DPY19L4: variants seen among roughly 807,000 people sequenced by gnomAD.
DPY19L4 encodes the protein probable C-mannosyltransferase DPY19L4.
DPY19L4 carries 97 observed loss-of-function variants against 102.8 expected under a neutral mutation model. The ratio of observed to expected loss-of-function variants is 0.94; its 90% CI spans 0.80 to 1.12. DPY19L4 has a LOEUF of 1.12. DPY19L4 is among the 50% of genes most tolerant of loss of function. The pLI is 0.00. For missense variants in DPY19L4, 815 were observed against 850.4 expected (o/e 0.96, Z 0.52); for synonymous variants, 252 against 283.1 (o/e 0.89, Z 1.10).
At chr8:94,742,559 A>AT (rs34777022) in intron 6 of DPY19L4, among the ~76,000 whole-genome samples, 1,496 of 115,392 alleles carry the variant, frequency 0.013, 14 homozygotes, top group Middle Eastern at 0.075. Context: ...TGCCTGGCTA[A>AT]TTTTTTTTTT....
In DPY19L4 at chr8:94,791,506, G is replaced by C. The variant is rs1050662870; in HGVS notation, c.*1596G>C. 2 of 152,082 alleles carry C rather than the reference G, an allele frequency of 1.3e-5. No homozygotes were observed. The highest frequency in any genetic ancestry group is 4.8e-5 in the African/African-American group (2 of 41,414). 9.4% of individuals were successfully genotyped at this position (152,082 alleles called of 1,614,324 possible). A position where few individuals can be genotyped will look rare whatever the true frequency, so the allele number is the denominator to read the frequency against. On this transcript the variant is annotated 3_prime_UTR_variant, in exon 19 of 19. Transcript: ENST00000414645. ...AGGCAGTGTACCTCAGGTTGACTCTGTACATCTGAATAGTGAGTCACTAGT... is the reference window on the plus strand; with the variant it reads ...AGGCAGTGTACCTCAGGTTGACTCTCTACATCTGAATAGTGAGTCACTAGT...
chr8:94,748,943 A>G (rs1811798402), intron 6 of DPY19L4, among the ~76,000 whole-genome samples: 1 of 152,176 alleles, frequency 6.6e-6, no homozygotes, highest in African/African-American at 2.4e-5. Context: ...GAAATTTACA[A>G]AAGAAAAAGG....
At chr8:94,781,269 T>A (rs1199909522) in intron 16 of DPY19L4, 103 bp downstream of exon 16, 3 of 1,086,262 alleles carry the variant, frequency 2.8e-6, no homozygotes, top group Non-Finnish European at 3.7e-6. Flanking sequence ...TCTCCAAATT[T>A]TTTCATAAAA....
intron 6 of DPY19L4, among the ~76,000 whole-genome samples, chr8:94,754,064 TC>T (rs1563592382): frequency 6.6e-6 from 1 of 151,966 alleles, no homozygotes; most frequent in Non-Finnish European, 1.5e-5. Context: ...GTGCCTGTAA[TC>T]CCAGCTACTT....
intron 13 of DPY19L4, among the ~76,000 whole-genome samples, chr8:94,773,644 G>A (rs1358668847): frequency 6.6e-6 from 1 of 151,840 alleles, no homozygotes. Flanking sequence ...TGGTCAGGCT[G>A]GTCTTGAACT....
chr8:94,777,591 A>T, intron 13 of DPY19L4, 75 bp from the exon 14 acceptor site: 5 of 1,513,660 alleles, frequency 3.3e-6, no homozygotes, highest in Non-Finnish European at 4.4e-6. Context: ...AGTAGGAAAG[A>T]GCTCAGAGAA....
intron 1 of DPY19L4, among the ~76,000 whole-genome samples, chr8:94,725,470 A>G (rs1187789436): frequency 6.6e-6 from 1 of 152,178 alleles, no homozygotes; most frequent in Non-Finnish European, 1.5e-5. Context: ...ATCCTGGGAA[A>G]TTATTTTGAG....
intron 3 of DPY19L4, among the ~76,000 whole-genome samples, chr8:94,738,092 G>A (rs1163212092): frequency 2.0e-5 from 3 of 151,966 alleles, no homozygotes; most frequent in Non-Finnish European, 4.4e-5. Flanking sequence ...GCTGAGGTGG[G>A]TGGATCATGA....
At position 94,738,275 on chromosome 8, in the gene DPY19L4, C is replaced by T. The variant is rs368764618; in HGVS notation, c.253-94C>T. The T allele has an allele frequency of 6.4e-4, 259 of 404,512 alleles. 4 individuals carry two copies. The South Asian group carries it at 0.017, about 26-fold the overall frequency. The allele number at this position is 404,512 out of a possible 1,614,324, so 25.1% of individuals were successfully genotyped here. Reference sequence around the variant, plus strand: ...CGGAGGTTGCAGTGAGCCGAGATCGCGCCACTGCACTCCAGCCTGGGCGAC... The same window carrying T: ...CGGAGGTTGCAGTGAGCCGAGATCGTGCCACTGCACTCCAGCCTGGGCGAC... On this transcript the variant is annotated intron_variant, in intron 3 of 18. Transcript: ENST00000414645.
At chr8:94,776,886 A>T (rs1586412770) in intron 13 of DPY19L4, among the ~76,000 whole-genome samples, 2 of 147,542 alleles carry the variant, frequency 1.4e-5, no homozygotes, top group Admixed American at 1.4e-4. Flanking sequence ...AATCACTTGA[A>T]CCCAGAAGGC....
Position 94,736,786 on chromosome 8 carries a change from C to T in DPY19L4, c.253-1583C>T, listed in dbSNP as rs550416363. Among the ~76,000 whole-genome samples, 73 of 152,198 alleles carry T rather than the reference C, an allele frequency of 4.8e-4. 1 individual carries two copies. Among genetic ancestry groups the T allele is most frequent in the Non-Finnish European group, 6.8e-4 (46 of 68,036 alleles). On this transcript the variant is annotated intron_variant, in intron 3 of 18. Coordinates refer to ENST00000414645, the MANE Select transcript of DPY19L4 (RefSeq NM_181787.3). ...TTGCAAAGTACTAATTAAAGACTTG[C>T]TGTTCTGCATACATAGAGATGTGGA...
At position 94,739,428 on chromosome 8, in the gene DPY19L4, C is replaced by T. The variant is rs1221238985; in HGVS notation, c.359C>T (p.Thr120Ile). 7 of 1,583,418 alleles carry T rather than the reference C, an allele frequency of 4.4e-6. No individual in the cohort carries two copies. The highest frequency in any genetic ancestry group is 6.0e-6 in the Non-Finnish European group (7 of 1,170,216). The change falls in exon 5 of 19, where the codon ACA (threonine) becomes ATA (isoleucine). Residue 120 changes from threonine to isoleucine, a missense_variant. By Grantham distance (89) the Thr-to-Ile change is moderately conservative (BLOSUM62 -1). Coordinates refer to ENST00000414645, the MANE Select transcript of DPY19L4 (RefSeq NM_181787.3). ...PSFERGVYEL[T>I]HNNKTVSLKT... ...CTGTCTTTAGGTGTTTACGAACTGA[C>T]ACACAATAACAAAACTGTATCTCTG...
chr8:94,724,460 G>A (rs1212917908), intron 1 of DPY19L4, among the ~76,000 whole-genome samples: 1 of 152,166 alleles, frequency 6.6e-6, no homozygotes, highest in African/African-American at 2.4e-5. Context: ...ACCTAGAGCA[G>A]GGGAATATTA....
rs1160275225 is a variant in DPY19L4 at position 94,770,495 on chromosome 8, A to G, written c.1378A>G (p.Ile460Val). ...KETVTLEDGR[I>V]GERPEIIYHV... is the part of the protein sequence containing the mutation. ...AACTGTTACTCTTGAAGATGGACGA[A>G]TTGGAGAAAGACCAGAAATAATTTA... The change falls in exon 13 of 19, where the codon ATT (isoleucine) becomes GTT (valine). Residue 460 changes from isoleucine (I) to valine (V), a missense_variant. Coordinates refer to ENST00000414645, the MANE Select transcript of DPY19L4 (RefSeq NM_181787.3). The G allele has an allele frequency of 6.2e-7, 1 of 1,613,954 alleles. No homozygotes were observed. The highest frequency in any genetic ancestry group is 1.1e-5 in the South Asian group (1 of 91,042).
chr8:94,757,004 G>A (rs933036430), intron 7 of DPY19L4, among the ~76,000 whole-genome samples: 3 of 152,142 alleles, frequency 2.0e-5, no homozygotes, highest in South Asian at 4.1e-4. Context: ...TAGCCTGGGC[G>A]ACAGAGAGAC....
rs530873947 is a variant in DPY19L4, at chr8:94,761,354, A to G, written c.736-346A>G. On this transcript the variant is annotated intron_variant, in intron 7 of 18. Coordinates refer to ENST00000414645, the MANE Select transcript of DPY19L4 (RefSeq NM_181787.3). ...CCCCAATAACAAAAGCTCACCAGCC[A>G]GGTCTAGTAAATGCCACCCTTTCTT... is the stretch of plus-strand genomic sequence containing the variant. Among the ~76,000 whole-genome samples, 4 of 152,346 alleles carry G rather than the reference A, an allele frequency of 2.6e-5. No homozygotes were observed. In the South Asian group the frequency reaches 8.3e-4, roughly 32 times the overall value.
rs1367743856 is a variant in DPY19L4, at chr8:94,789,998, T to C, written c.*88T>C. On this transcript the variant is annotated 3_prime_UTR_variant, in exon 19 of 19. Coordinates refer to ENST00000414645, the MANE Select transcript of DPY19L4 (RefSeq NM_181787.3). ...TCGGTGTCTTTTGCAGATCAGAGTATGGACATTTGAAATATTGCTGCTTCT... is the reference window on the plus strand; with the variant it reads ...TCGGTGTCTTTTGCAGATCAGAGTACGGACATTTGAAATATTGCTGCTTCT... 7 of 1,299,212 alleles carry C rather than the reference T, an allele frequency of 5.4e-6. No individual in the cohort carries two copies. The highest frequency in any genetic ancestry group is 1.1e-6 in the Non-Finnish European group (1 of 938,356). 80.5% of individuals were successfully genotyped at this position (1,299,212 alleles called of 1,614,324 possible). A position where few individuals can be genotyped will look rare whatever the true frequency, so the allele number is the denominator to read the frequency against.
intron 2 of DPY19L4, among the ~76,000 whole-genome samples, chr8:94,730,636 T>G (rs988361698): frequency 4.0e-5 from 6 of 150,910 alleles, no homozygotes; most frequent in Non-Finnish European, 7.4e-5. Context: ...TCCCAGCTAC[T>G]CGGGAGGCTG....
rs1049384537 is a variant in DPY19L4 at position 94,793,157 on chromosome 8, C to T, written c.*3247C>T. 6.6e-6 allele frequency: 1 copy of T among 152,108 alleles called. No homozygotes were observed. The highest frequency in any genetic ancestry group is 2.4e-5 in the African/African-American group (1 of 41,418). The allele number at this position is 152,108 out of a possible 1,614,324, so 9.4% of individuals were successfully genotyped here. A position where few individuals can be genotyped will look rare whatever the true frequency, so the allele number is the denominator to read the frequency against. ...GAACATTAACCCAGATTGCTAATAG[C>T]TTCATGTTACGGCATTCTTCCACAC... On this transcript the variant is annotated 3_prime_UTR_variant, in exon 19 of 19. Coordinates refer to ENST00000414645, the MANE Select transcript of DPY19L4 (RefSeq NM_181787.3).
Sources: allele counts gnomAD v4.1 joint callset (sites outside exome capture counted in the v4.1 genomes callset), GRCh38; gene constraint gnomAD v4.1.1; transcripts MANE v1.5; gene names NCBI Gene and HGNC (gene_info 2026-07-23, HGNC 2026-07-21).